Variants in SYNE1 observed in about 807,000 individuals in gnomAD.
The protein encoded by SYNE1 is spectrin repeat containing nuclear envelope protein 1, also known as nesprin-1.
SYNE1 carries 616 observed loss-of-function variants against 1,111.0 expected under a neutral mutation model. The observed-to-expected ratio is 0.55, with a 90% CI of 0.52 to 0.59. The LOEUF (loss-of-function observed/expected upper bound fraction) is 0.59. Among genes scored for constraint, SYNE1 ranks in the 20% least tolerant of loss-of-function variants. SYNE1 has a pLI of 0.00. For synonymous variants in SYNE1, 3,855 were observed against 3,825.8 expected, an observed-to-expected ratio of 1.01 and a Z score of -0.28; for missense variants, 10,006 against 10,417.0, an observed-to-expected ratio of 0.96 and a Z score of 1.72.
chr6:152,123,519 A>C (rs527819153), intron 145 of SYNE1, among the ~76,000 whole-genome samples: 1 of 152,328 alleles, frequency 6.6e-6, no homozygotes, highest in Non-Finnish European at 1.5e-5. Context: ...CAGAACTCTT[A>C]AGAAGGACTG....
At chr6:152,450,596 C>A (rs779512113) in intron 27 of SYNE1, 29 bp downstream of exon 27, 11 of 1,579,850 alleles carry the variant, frequency 7.0e-6, no homozygotes, top group Non-Finnish European at 9.6e-6. Flanking sequence ...TTTGACTACA[C>A]CCCTCTCTGG....
chr6:152,354,152 A>G lies in SYNE1; in HGVS notation c.10927-408T>C, dbSNP rs532318155. The stretch of plus-strand genomic sequence containing the variant: ...AAGACTCTGTCTCCAAAAAAATTAA[A>G]TAAAATAAATAAACATGAAAACAAA... On this transcript the variant is annotated intron_variant, in intron 67 of 145. Coordinates refer to ENST00000367255, the MANE Select transcript of SYNE1 (RefSeq NM_182961.4). 2.2e-3 allele frequency among the ~76,000 whole-genome samples: 332 copies of G among 152,302 alleles called. 2 individuals are homozygous for G. Among genetic ancestry groups the G allele is most frequent in the Non-Finnish European group, 3.4e-3 (230 of 68,024 alleles).
chr6:152,139,859 A>T (rs2058171079), intron 140 of SYNE1, 91 bp downstream of exon 140: 1 of 1,366,284 alleles, frequency 7.3e-7, no homozygotes. Flanking sequence ...GCTGCTGTGT[A>T]AGAGCAGCTC....
intron 3 of SYNE1, among the ~76,000 whole-genome samples, chr6:152,626,607 A>G (rs1727054): frequency 0.68 from 102,852 of 152,042 alleles, 34,883 homozygotes; most frequent in Non-Finnish European, 0.71. Flanking sequence ...AGACCCATCT[A>G]TATATTCAGC....
At chr6:152,305,391 G>A (rs953719537) in intron 91 of SYNE1, among the ~76,000 whole-genome samples, 15 of 151,856 alleles carry the variant, frequency 9.9e-5, no homozygotes, top group South Asian at 2.1e-4. Context: ...TCAGCCTCCC[G>A]AGTAGCTGAG....
intron 56 of SYNE1, among the ~76,000 whole-genome samples, chr6:152,378,298 A>G (rs1332214210): frequency 6.6e-6 from 1 of 152,182 alleles, no homozygotes; most frequent in East Asian, 1.9e-4. Flanking sequence ...GATATTTGTC[A>G]AGAGATGGCC....
At chr6:152,511,141 G>C (rs2154338635) in intron 6 of SYNE1, 38 bp from the exon 7 acceptor site, 2 of 1,534,872 alleles carry the variant, frequency 1.3e-6, no homozygotes, top group East Asian at 4.5e-5. Flanking sequence ...TAATGTACTA[G>C]AATATTATAA....
At chr6:152,502,462 C>G (rs1052013454) in intron 10 of SYNE1, among the ~76,000 whole-genome samples, 171 bp downstream of exon 10, 4 of 152,148 alleles carry the variant, frequency 2.6e-5, no homozygotes, top group Non-Finnish European at 5.9e-5. Context: ...AACATACAAA[C>G]CAGAAAAACC....
rs750303116 is a variant in SYNE1, at chr6:152,329,864, T to C, written c.14821A>G (p.Met4941Val). 5 of 1,614,218 alleles carry C rather than the reference T, an allele frequency of 3.1e-6. No homozygotes were observed. The highest frequency in any genetic ancestry group is 1.3e-5 in the African/African-American group (1 of 75,060). Residue 4941 changes from methionine to valine, a missense_variant, in exon 78 of 146, where the codon ATG becomes GTG. Around this residue, in one of 7 missense-constraint regions of SYNE1, gnomAD observed 4,955 missense variants for 5,017.2 expected, o/e 0.99. Coordinates refer to ENST00000367255, the MANE Select transcript of SYNE1 (RefSeq NM_182961.4). ...TTTTCCTTGTGACTCAGCGCATTCA[T>C]GATTCTCAAGCTGGACTGGACCTCT... ...QEEVQSSLRI[M>V]NALSHKEKEK...
chr6:152,140,737 T>C (rs2058335566), intron 139 of SYNE1, among the ~76,000 whole-genome samples: 1 of 152,158 alleles, frequency 6.6e-6, no homozygotes, highest in African/African-American at 2.4e-5. Context: ...CCCCTCACTG[T>C]CAAAGGAGAC....
chr6:152,470,009 A>T (rs2098796545), intron 16 of SYNE1, among the ~76,000 whole-genome samples: 1 of 152,214 alleles, frequency 6.6e-6, no homozygotes. Context: ...AACACGAGTG[A>T]TAAGTAGGTA....
chr6:152,176,550 T>C lies in SYNE1; in HGVS notation c.23471A>G (p.Glu7824Gly). 1 of 1,614,090 alleles carries C rather than the reference T, an allele frequency of 6.2e-7. No individual in the cohort carries two copies. The highest frequency in any genetic ancestry group is 8.5e-7 in the Non-Finnish European group (1 of 1,179,956). The change falls in exon 130 of 146, where the codon GAG (glutamate) becomes GGG (glycine). Residue 7824 changes from glutamate to glycine, a missense_variant. Coordinates refer to ENST00000367255, the MANE Select transcript of SYNE1 (RefSeq NM_182961.4). ...GTTCTCTTGAGCAATAGCAATTTCC[T>C]CTTGATAATCCTGTGTAATAAATAG... ...MIEKLKKDYQ[E>G]EIAIAQENKI...
At chr6:152,124,584 CA>C (rs1237478965) in intron 145 of SYNE1, among the ~76,000 whole-genome samples, 1 of 152,100 alleles carries the variant, frequency 6.6e-6, no homozygotes, top group African/African-American at 2.4e-5. Flanking sequence ...ACTGATTTGT[CA>C]GTATAAATAA....
chr6:152,398,397 T>A (rs2097767304), intron 49 of SYNE1, among the ~76,000 whole-genome samples: 1 of 152,114 alleles, frequency 6.6e-6, no homozygotes, highest in Non-Finnish European at 1.5e-5. Context: ...GTCAATAGGC[T>A]AAAAAAAGAG....
At chr6:152,132,511 A>G (rs1289866553) in intron 143 of SYNE1, among the ~76,000 whole-genome samples, 2 of 152,194 alleles carry the variant, frequency 1.3e-5, no homozygotes, top group African/African-American at 4.8e-5. Context: ...ATATGAATGA[A>G]TTGATATTGG....
At chr6:152,622,839 C>T (rs549883039) in intron 3 of SYNE1, among the ~76,000 whole-genome samples, 17 of 152,208 alleles carry the variant, frequency 1.1e-4, no homozygotes, top group Non-Finnish European at 1.5e-4. Context: ...GGGGAATCAC[C>T]GCACTATCTT....
intron 105 of SYNE1, among the ~76,000 whole-genome samples, chr6:152,247,693 G>A (rs1017808781): frequency 2.0e-5 from 3 of 146,948 alleles, no homozygotes; most frequent in African/African-American, 7.5e-5. Flanking sequence ...AACAAAGTGA[G>A]ACCCTATCTC....
At chr6:152,299,186 A>G (rs2095043986) in intron 93 of SYNE1, among the ~76,000 whole-genome samples, 2 of 152,216 alleles carry the variant, frequency 1.3e-5, no homozygotes, top group African/African-American at 2.4e-5. Flanking sequence ...TTTTTTCCAC[A>G]AAGTCTCAAA....
chr6:152,506,186 G>A (rs1174658546), intron 8 of SYNE1, among the ~76,000 whole-genome samples: 2 of 152,150 alleles, frequency 1.3e-5, no homozygotes, highest in Non-Finnish European at 2.9e-5. Context: ...GAAAAGAGAA[G>A]CGAGGCAAGC....
Sources: gnomAD v4.1 joint callset for allele counts (sites outside exome capture counted in the v4.1 genomes callset) on GRCh38, gnomAD v4.1.1 for gene constraint, gnomAD v4.1.1 regional missense constraint, MANE v1.5 for transcripts, NCBI Gene and HGNC (gene_info 2026-07-23, HGNC 2026-07-21) for gene names.